Variants in MAD1L1 observed in about 807,000 individuals in gnomAD.
MAD1L1 encodes mitotic arrest deficient 1 like 1.
MAD1L1 carries 95 observed loss-of-function variants against 96.9 expected under a neutral mutation model. The observed-to-expected ratio is 0.98, with a 90% confidence interval of 0.83 to 1.16. The LOEUF (loss-of-function observed/expected upper bound fraction) is 1.16, where lower values mean the gene tolerates loss of function less well. Among genes scored for constraint, MAD1L1 ranks in the 50% most tolerant of loss-of-function variants. The pLI, the probability that MAD1L1 is intolerant of heterozygous loss-of-function variation, is 0.00. For missense variants in MAD1L1, 1,007 were observed against 954.4 expected (o/e 1.06, Z -0.73); for synonymous variants, 473 against 396.6 (o/e 1.19, Z -2.29).
chr7:1,911,942 T>A (rs1358423130), intron 17 of MAD1L1, among the ~76,000 whole-genome samples: 3 of 152,362 alleles, frequency 2.0e-5, no homozygotes, highest in African/African-American at 7.2e-5. Flanking sequence ...GGGCCTCACC[T>A]GTCCAACCCG....
intron 17 of MAD1L1, among the ~76,000 whole-genome samples, chr7:1,934,886 C>T (rs983427306): frequency 1.3e-5 from 2 of 151,428 alleles, no homozygotes; most frequent in Non-Finnish European, 2.9e-5. Context: ...CGGGCGAACC[C>T]GAGACGGGCA....
In MAD1L1 at chr7:2,129,055, G is replaced by A. The variant is rs186145747; in HGVS notation, c.1073+20097C>T. Among the ~76,000 whole-genome samples, 3 of 152,296 alleles carry A rather than the reference G, an allele frequency of 2.0e-5. No individual in the cohort carries two copies. In the East Asian group the frequency reaches 5.8e-4, roughly 29 times the overall value. On this transcript the variant is annotated intron_variant, in intron 11 of 18. Coordinates refer to ENST00000265854, the MANE Select transcript of MAD1L1 (RefSeq NM_001013836.2). ...TGGAGGTGGTGCACGACCCCACCAC[G>A]AGGACAAAATTGGGTTTGTGGGCAG... is the stretch of plus-strand genomic sequence containing the variant.
intron 18 of MAD1L1, among the ~76,000 whole-genome samples, chr7:1,817,687 G>A (rs1264045517): frequency 3.3e-5 from 5 of 152,166 alleles, no homozygotes; most frequent in African/African-American, 4.8e-5. Flanking sequence ...CTAATGGAGC[G>A]CTAGACGTGA....
intron 11 of MAD1L1, chr7:2,079,845 C>G: frequency 2.3e-6 from 1 of 437,262 alleles, no homozygotes; most frequent in Admixed American, 2.6e-5. Flanking sequence ...AGTCACCTCC[C>G]CAGGCTCTAC....
intron 16 of MAD1L1, 147 bp downstream of exon 16, chr7:1,957,482 A>C (rs1198670906): frequency 3.9e-6 from 3 of 763,858 alleles, no homozygotes; most frequent in South Asian, 1.7e-5. Context: ...CCTGCCAGGC[A>C]AGGGGGTGCA....
chr7:1,889,575 C>CG (rs147077171), intron 18 of MAD1L1, among the ~76,000 whole-genome samples: 45,468 of 151,854 alleles, frequency 0.3, 8,117 homozygotes, highest in East Asian at 0.45. Context: ...GCCCCTGCAC[C>CG]ATCTCCTATG....
chr7:1,928,299 GAC>G (rs768395708), intron 17 of MAD1L1, among the ~76,000 whole-genome samples: 10 of 149,862 alleles, frequency 6.7e-5, no homozygotes, highest in Non-Finnish European at 1.0e-4. Context: ...TGCCACACCT[GAC>G]ACTGCTCCCG....
intron 18 of MAD1L1, among the ~76,000 whole-genome samples, chr7:1,862,002 G>T (rs1183307103): frequency 1.3e-5 from 2 of 152,186 alleles, no homozygotes. Flanking sequence ...CCACCGCCAT[G>T]CAGGGGACGC....
chr7:2,072,425 C>T (rs980040096), intron 11 of MAD1L1, among the ~76,000 whole-genome samples: 1 of 152,196 alleles, frequency 6.6e-6, no homozygotes, highest in Non-Finnish European at 1.5e-5. Context: ...CCCCCCTGCC[C>T]CCTCCAGGCG....
intron 11 of MAD1L1, among the ~76,000 whole-genome samples, chr7:2,108,094 T>C (rs938805941): frequency 1.3e-5 from 2 of 151,892 alleles, no homozygotes; most frequent in Non-Finnish European, 2.9e-5. Flanking sequence ...CATTTTTAAA[T>C]ACAAGGAGCA....
intron 10 of MAD1L1, among the ~76,000 whole-genome samples, chr7:2,206,265 C>A (rs1432356634): frequency 6.6e-6 from 1 of 152,208 alleles, no homozygotes; most frequent in African/African-American, 2.4e-5. Flanking sequence ...ATGTTAATAT[C>A]TCGCAAATAT....
chr7:2,094,784 C>T (rs921278029), intron 11 of MAD1L1, among the ~76,000 whole-genome samples: 2 of 151,736 alleles, frequency 1.3e-5, no homozygotes, highest in Non-Finnish European at 2.9e-5. Context: ...AACCACATGA[C>T]CCATCTACAT....
chr7:1,916,274 G>A (rs1031992869), intron 17 of MAD1L1, among the ~76,000 whole-genome samples: 2 of 152,140 alleles, frequency 1.3e-5, no homozygotes, highest in Admixed American at 6.5e-5. Context: ...CTGGAGGAAC[G>A]AAAACTGTAT....
intron 14 of MAD1L1, among the ~76,000 whole-genome samples, chr7:1,985,071 G>A (rs570712511): frequency 1.6e-4 from 25 of 152,264 alleles, no homozygotes; most frequent in African/African-American, 5.8e-4. Context: ...AGTCTGTGAC[G>A]GTTCATTCCA....
At chr7:2,111,585 CA>C (rs1250741510) in intron 11 of MAD1L1, among the ~76,000 whole-genome samples, 2 of 152,234 alleles carry the variant, frequency 1.3e-5, no homozygotes, top group Non-Finnish European at 2.9e-5. Context: ...GCTACAACTC[CA>C]TGATGACCAC....
intron 10 of MAD1L1, among the ~76,000 whole-genome samples, chr7:2,174,786 G>A (rs954537344): frequency 6.6e-6 from 1 of 152,138 alleles, no homozygotes; most frequent in Non-Finnish European, 1.5e-5. Flanking sequence ...CACTGAGGAT[G>A]CTTATGAGAG....
At chr7:1,937,577 C>A (rs1778683586) in intron 16 of MAD1L1, among the ~76,000 whole-genome samples, 1 of 151,562 alleles carries the variant, frequency 6.6e-6, no homozygotes, top group Admixed American at 6.6e-5. Context: ...CAGCAGGGGA[C>A]AGCCGCCCAC....
At chr7:1,935,248 C>T (rs1778523974) in intron 17 of MAD1L1, among the ~76,000 whole-genome samples, 1 of 152,254 alleles carries the variant, frequency 6.6e-6, no homozygotes, top group Non-Finnish European at 1.5e-5. Flanking sequence ...GAGAGGGAGC[C>T]ACGGCTGGAC....
chr7:1,868,085 G>A (rs896947882), intron 18 of MAD1L1, among the ~76,000 whole-genome samples: 9 of 152,098 alleles, frequency 5.9e-5, no homozygotes, highest in African/African-American at 9.7e-5. Context: ...TGTCCCTGCC[G>A]TGCCCGCTCA....
Sources: allele counts gnomAD v4.1 joint callset (sites outside exome capture counted in the v4.1 genomes callset), GRCh38; gene constraint gnomAD v4.1.1; transcripts MANE v1.5; gene names NCBI Gene and HGNC (gene_info 2026-07-23, HGNC 2026-07-21).